FAM20A: variants seen among roughly 807,000 people sequenced by gnomAD.
The protein encoded by FAM20A is pseudokinase FAM20A.
A neutral mutation model predicts 52.0 loss-of-function variants in FAM20A; 42 were observed. That is an observed-to-expected ratio of 0.81 (90% CI 0.63 to 1.04). The LOEUF (loss-of-function observed/expected upper bound fraction) is 1.04, where lower values mean the gene tolerates loss of function less well. FAM20A is among the 50% of genes least tolerant of loss of function. FAM20A has a pLI of 0.00. For missense variants in FAM20A, 742 were observed against 712.7 expected, an observed-to-expected ratio of 1.04 and a Z score of -0.47; for synonymous variants, 304 against 298.9, an observed-to-expected ratio of 1.02 and a Z score of -0.18.
intron 1 of FAM20A, among the ~76,000 whole-genome samples, chr17:68,587,229 G>A (rs971822767): frequency 3.3e-5 from 5 of 152,060 alleles, no homozygotes; most frequent in African/African-American, 9.7e-5. Context: ...GTGACACTTC[G>A]GGCATTCACC....
rs551100408 is a variant in FAM20A at position 68,595,298 on chromosome 17, A to G, written c.404+4965T>C. ...TGCCTGTCTTTCTTGGATGAATGAC[A>G]CTGATGCTCTCCCTGATTTAGGTTT... On this transcript the variant is annotated intron_variant, in intron 1 of 10. Transcript: ENST00000592554. 2.6e-5 allele frequency among the ~76,000 whole-genome samples: 4 copies of G among 152,306 alleles called. No individual in the cohort carries two copies. The East Asian group carries it at 5.8e-4, about 22-fold the overall frequency.
chr17:68,599,064 A>G (rs536701396), intron 1 of FAM20A, among the ~76,000 whole-genome samples: 1 of 152,312 alleles, frequency 6.6e-6, no homozygotes, highest in Non-Finnish European at 1.5e-5. Flanking sequence ...GAAATTCACC[A>G]CAGTGATTCA....
chr17:68,539,906 A>G lies in FAM20A; in HGVS notation c.1280T>C (p.Ile427Thr). ...FTKFGDDGFL[I>T]HLDNARGFGR... is the part of the protein sequence containing the mutation. ...TCACCCTCTGGCGTTGTCAAGGTGA[A>G]TAAGGAACCCATCATCCCCGAACTT... Residue 427 changes from isoleucine to threonine, a missense_variant, in exon 9 of 11, where the codon ATT becomes ACT. Physicochemically the swap from Ile to Thr is moderately conservative, Grantham distance 89. Transcript: ENST00000592554. 1.9e-6 allele frequency: 3 copies of G among 1,614,206 alleles called. No individual in the cohort carries two copies. Among genetic ancestry groups the G allele is most frequent in the Non-Finnish European group, 2.5e-6 (3 of 1,180,042 alleles).
chr17:68,583,018 G>A (rs2088057525), intron 1 of FAM20A, among the ~76,000 whole-genome samples: 1 of 151,390 alleles, frequency 6.6e-6, no homozygotes, highest in Non-Finnish European at 1.5e-5. Context: ...ATGTTGGCCA[G>A]GCTGGTCTTG....
chr17:68,540,936 A>C lies in FAM20A; in HGVS notation c.1132T>G (p.Cys378Gly). 6.3e-7 allele frequency: 1 copy of C among 1,596,110 alleles called. No individual in the cohort carries two copies. Among genetic ancestry groups the C allele is most frequent in the Non-Finnish European group, 8.5e-7 (1 of 1,170,478 alleles). The stretch of plus-strand genomic sequence containing the variant: ...GGGTAGATCTGTTTCACTGTGTCAC[A>C]GTAAAGGGGATTGACCTCCCACCTG... Reference protein sequence around the residue: ...KEEWEVNPLYCDTVKQIYPYN... With the variant: ...KEEWEVNPLYGDTVKQIYPYN... Residue 378 changes from cysteine to glycine, a missense_variant, in exon 8 of 11, where the codon TGT (cysteine) becomes GGT (glycine). Coordinates refer to ENST00000592554, the MANE Select transcript of FAM20A (RefSeq NM_017565.4).
At chr17:68,560,491 A>C (rs2087183860) in intron 1 of FAM20A, among the ~76,000 whole-genome samples, 1 of 152,166 alleles carries the variant, frequency 6.6e-6, no homozygotes, top group East Asian at 1.9e-4. Flanking sequence ...CCCAGCCTCT[A>C]GTACTGCAAG....
At chr17:68,582,146 G>T (rs1372744309) in intron 1 of FAM20A, among the ~76,000 whole-genome samples, 4 of 152,260 alleles carry the variant, frequency 2.6e-5, no homozygotes, top group African/African-American at 9.6e-5. Flanking sequence ...TTTAGTAAAA[G>T]AAAAAGAGTT....
chr17:68,573,420 C>T (rs2087620318), intron 1 of FAM20A, among the ~76,000 whole-genome samples: 1 of 151,366 alleles, frequency 6.6e-6, no homozygotes, highest in Non-Finnish European at 1.5e-5. Context: ...TCTCCCTTTC[C>T]CTTTCTTTCC....
In FAM20A at chr17:68,535,911, A is replaced by G. The variant is rs1206440495; in HGVS notation, c.*1566T>C. ...GACTTTGGAATAGGTCTAAACCACT[A>G]AATTGTGTGATTTTGCTTACTCTCT... On this transcript the variant is annotated 3_prime_UTR_variant, in exon 11 of 11. Transcript: ENST00000592554. 4 of 454,048 alleles carry G rather than the reference A, an allele frequency of 8.8e-6. No homozygotes were observed. Among genetic ancestry groups the G allele is most frequent in the African/African-American group, 2.0e-5 (1 of 50,090 alleles). 28.1% of individuals were successfully genotyped at this position (454,048 alleles called of 1,614,324 possible).
At chr17:68,588,944 A>C (rs1253849575) in intron 1 of FAM20A, among the ~76,000 whole-genome samples, 1 of 152,228 alleles carries the variant, frequency 6.6e-6, no homozygotes, top group East Asian at 1.9e-4. Flanking sequence ...TCACCAGCAG[A>C]AGGGATTTCC....
rs2086076601 is a variant in FAM20A at position 68,535,656 on chromosome 17, G to T, written c.*1821C>A. On this transcript the variant is annotated 3_prime_UTR_variant, in exon 11 of 11. Transcript: ENST00000592554. ...ATTAAGGTTTCTCTGTTAAAGAGTT[G>T]ATTTAAAAAAAAATTTTTTTTTTTT... 1 of 448,892 alleles carries T rather than the reference G, an allele frequency of 2.2e-6. No homozygotes were observed. Among genetic ancestry groups the T allele is most frequent in the South Asian group, 1.6e-5 (1 of 62,930 alleles). 27.8% of individuals were successfully genotyped at this position (448,892 alleles called of 1,614,324 possible).
At chr17:68,544,251 C>A (rs572934205) in intron 4 of FAM20A, among the ~76,000 whole-genome samples, 47 of 151,920 alleles carry the variant, frequency 3.1e-4, no homozygotes, top group African/African-American at 8.7e-4. Context: ...ACCATCATCC[C>A]CTCAGAGAAA....
intron 1 of FAM20A, among the ~76,000 whole-genome samples, chr17:68,598,779 C>T (rs1205401911): frequency 7.9e-5 from 12 of 152,162 alleles, no homozygotes; most frequent in Admixed American, 7.9e-4. Context: ...AGAAATGTGA[C>T]TAAATGAATG....
At chr17:68,598,534 A>G (rs2088522882) in intron 1 of FAM20A, among the ~76,000 whole-genome samples, 1 of 152,200 alleles carries the variant, frequency 6.6e-6, no homozygotes, top group South Asian at 2.1e-4. Context: ...CTCTGAATAT[A>G]GTAAGGTCAC....
At chr17:68,547,461 A>G (rs548261808) in intron 4 of FAM20A, among the ~76,000 whole-genome samples, 61 of 152,316 alleles carry the variant, frequency 4.0e-4, no homozygotes, top group African/African-American at 1.3e-3. Context: ...CTGAAAACCT[A>G]TTGTTAGTGT....
intron 1 of FAM20A, among the ~76,000 whole-genome samples, chr17:68,588,323 G>C (rs1326192999): frequency 6.6e-6 from 1 of 152,234 alleles, no homozygotes; most frequent in Non-Finnish European, 1.5e-5. Flanking sequence ...TCTTGAGGCT[G>C]TAAGAACCAT....
intron 4 of FAM20A, among the ~76,000 whole-genome samples, chr17:68,546,168 C>CAA (rs750780505): frequency 1.0e-4 from 10 of 98,912 alleles, no homozygotes; most frequent in South Asian, 3.4e-4. Context: ...GACTCCATCT[C>CAA]AAAAAAAAAA....
At position 68,537,105 on chromosome 17, in the gene FAM20A, A is replaced by T. The variant is rs1298941045; in HGVS notation, c.*372T>A. The T allele has an allele frequency of 2.1e-6, 1 of 470,026 alleles. No individual in the cohort carries two copies. The highest frequency in any genetic ancestry group is 4.2e-6 in the Non-Finnish European group (1 of 238,146). 29.1% of individuals were successfully genotyped at this position (470,026 alleles called of 1,614,324 possible). Reference sequence around the variant, plus strand: ...TCTTTGACTTGTAGCTAGAATAAGGATCCTGAGAAGTCAGGTATCCACTTG... The same window carrying T: ...TCTTTGACTTGTAGCTAGAATAAGGTTCCTGAGAAGTCAGGTATCCACTTG... On this transcript the variant is annotated 3_prime_UTR_variant, in exon 11 of 11. Transcript: ENST00000592554. This position sits in a 1 kb window ranked among gnomAD's most constrained non-coding sequence, Gnocchi z 4.2.
At chr17:68,578,594 C>CA (rs1168076689) in intron 1 of FAM20A, among the ~76,000 whole-genome samples, 1 of 152,060 alleles carries the variant, frequency 6.6e-6, no homozygotes. Flanking sequence ...CAGAAGATAG[C>CA]TGGGCCTTTG....
Sources: gnomAD v4.1 joint callset for allele counts (sites outside exome capture counted in the v4.1 genomes callset) on GRCh38, gnomAD v4.1.1 for gene constraint, Gnocchi (gnomAD v3.1) non-coding constraint, MANE v1.5 for transcripts, NCBI Gene and HGNC (gene_info 2026-07-23, HGNC 2026-07-21) for gene names.